SPG7: variants seen among roughly 807,000 people sequenced by gnomAD.
The protein encoded by SPG7 is SPG7 matrix AAA peptidase subunit, paraplegin.
SPG7 carries 103 observed loss-of-function variants against 81.9 expected under a neutral mutation model. The observed-to-expected ratio is 1.26, with a 90% CI of 1.07 to 1.48. SPG7 has a LOEUF of 1.48. Among genes scored for constraint, SPG7 ranks in the 40% most tolerant of loss-of-function variants. The pLI is 0.00. For missense variants in SPG7, 1,241 were observed against 1,087.3 expected (o/e 1.14, Z -1.99); for synonymous variants, 534 against 444.2 (o/e 1.20, Z -2.54).
chr16:89,544,035 A>G (rs933463121), intron 9 of SPG7: 5 of 168,568 alleles, frequency 3.0e-5, no homozygotes, highest in Non-Finnish European at 6.5e-5. Flanking sequence ...CCACAGCATC[A>G]TAACACCTGA....
rs200499298 is a variant in SPG7 at position 89,544,788 on chromosome 16, C to T, written c.1449+16C>T. 111 of 1,613,700 alleles carry T rather than the reference C, an allele frequency of 6.9e-5. No homozygotes were observed. The highest frequency in any genetic ancestry group is 5.9e-6 in the Non-Finnish European group (7 of 1,179,858). ...CACGCTGCAGGTCAGAGCCAGGATC[C>T]CAGCCTCTCCCACTCCACCTGGGCC... On this transcript the variant is annotated intron_variant, in intron 10 of 16. Transcript: ENST00000645818.
At chr16:89,546,588 A>C in intron 10 of SPG7, 70 bp from the exon 11 acceptor site, 16 of 915,016 alleles carry the variant, frequency 1.7e-5, no homozygotes, top group Non-Finnish European at 2.3e-5. Flanking sequence ...CCCCCCACAG[A>C]CAAACATGCC....
At chr16:89,510,953 C>T (rs752756740) in intron 2 of SPG7, among the ~76,000 whole-genome samples, 40 of 152,182 alleles carry the variant, frequency 2.6e-4, no homozygotes, top group Non-Finnish European at 4.9e-4. Context: ...CCACCTCAGC[C>T]TTCCATAGAG....
chr16:89,526,564 C>A, intron 5 of SPG7, 96 bp downstream of exon 5: 1 of 1,416,978 alleles, frequency 7.1e-7, no homozygotes, highest in Non-Finnish European at 1.0e-6. Context: ...ACTGTCTTTG[C>A]CTATAGTTAA....
chr16:89,528,541 G>C (rs2152401508), intron 5 of SPG7: 1 of 152,274 alleles, frequency 6.6e-6, no homozygotes, highest in South Asian at 2.1e-4. Context: ...ACAGAAGATG[G>C]AGGGTTGGGG....
At chr16:89,510,469 T>G (rs756320110) in intron 1 of SPG7, 21 bp from the exon 2 acceptor site, 10 of 1,420,278 alleles carry the variant, frequency 7.0e-6, no homozygotes, top group Non-Finnish European at 5.9e-6. Context: ...ACCTCCAGTA[T>G]TGTTTTTTTT....
intron 9 of SPG7, among the ~76,000 whole-genome samples, chr16:89,534,711 G>T (rs1179039614): frequency 1.3e-5 from 2 of 152,218 alleles, no homozygotes; most frequent in African/African-American, 4.8e-5. Flanking sequence ...TTACAGAAGC[G>T]TTGCCACGGT....
chr16:89,535,059 C>T (rs1307896615), intron 9 of SPG7, among the ~76,000 whole-genome samples: 7 of 152,214 alleles, frequency 4.6e-5, no homozygotes, highest in African/African-American at 1.7e-4. Flanking sequence ...GACTGTGACA[C>T]TGTACAGGCC....
At chr16:89,537,363 G>C in intron 9 of SPG7, 6 of 1,147,178 alleles carry the variant, frequency 5.2e-6, no homozygotes, top group Non-Finnish European at 6.5e-6. Flanking sequence ...TCCTGTGCTG[G>C]AAAGCGTTGA....
chr16:89,536,155 AGTGTGG>A, intron 9 of SPG7, among the ~76,000 whole-genome samples: 5 of 96,412 alleles, frequency 5.2e-5, no homozygotes, highest in Non-Finnish European at 8.6e-5. Context: ...TGTGGCCTTC[AGTGTGG>A]CCGCTCTGGT....
chr16:89,508,924 G>A (rs1273732216), intron 1 of SPG7: 2 of 549,406 alleles, frequency 3.6e-6, no homozygotes, highest in East Asian at 4.3e-5. Context: ...TTCCGGCGTA[G>A]CACTAATTTA....
chr16:89,536,867 C>T (rs1369952867), intron 9 of SPG7: 1 of 1,614,034 alleles, frequency 6.2e-7, no homozygotes, highest in African/African-American at 1.3e-5. Flanking sequence ...TCACGGAGGG[C>T]AATGGAGGGT....
chr16:89,523,952 C>T, intron 3 of SPG7, 54 bp from the exon 4 acceptor site: 2 of 1,603,384 alleles, frequency 1.2e-6, no homozygotes, highest in Non-Finnish European at 1.7e-6. Flanking sequence ...TGGATGTCGC[C>T]CGTGTCTGTT....
At chr16:89,553,522 G>A in intron 14 of SPG7, 2 of 549,888 alleles carry the variant, frequency 3.6e-6, no homozygotes, top group South Asian at 4.1e-5. Flanking sequence ...GCATAGGCCT[G>A]GGCTTGTGCT....
At chr16:89,525,465 C>T (rs2058247916) in intron 4 of SPG7, among the ~76,000 whole-genome samples, 1 of 152,174 alleles carries the variant, frequency 6.6e-6, no homozygotes, top group Non-Finnish European at 1.5e-5. Context: ...AGAAAATGCT[C>T]AGAATTCTGT....
At chr16:89,509,727 C>T (rs1307721463) in intron 1 of SPG7, among the ~76,000 whole-genome samples, 3 of 151,858 alleles carry the variant, frequency 2.0e-5, no homozygotes, top group Non-Finnish European at 4.4e-5. Context: ...CTCCCTTTCT[C>T]CTGCAGAAGC....
chr16:89,554,570 C>T lies in SPG7; in HGVS notation c.2181+7C>T. On this transcript the variant is annotated splice_region_variant and intron_variant, in intron 16 of 16. Coordinates refer to ENST00000645818, the MANE Select transcript of SPG7 (RefSeq NM_003119.4). ...CCTGGACAAGTTGCAGGCGGTGAGG[C>T]CCTGGCCAGGCGTGGGGGCTACGGC... 6.2e-7 allele frequency: 1 copy of T among 1,603,936 alleles called. No individual in the cohort carries two copies.
intron 5 of SPG7, chr16:89,526,768 C>G (rs1327175230): frequency 2.6e-6 from 1 of 381,132 alleles, no homozygotes; most frequent in Non-Finnish European, 5.0e-6. Flanking sequence ...ATGCCGAAGT[C>G]TCAGCCCCCG....
intron 11 of SPG7, 34 bp from the exon 12 acceptor site, chr16:89,547,965 AACCC>A (rs2058585189): frequency 3.9e-6 from 6 of 1,525,724 alleles, no homozygotes; most frequent in South Asian, 1.1e-5. Context: ...TGATAGCAGA[AACCC>A]ACCCACCCAC....
Sources: allele counts gnomAD v4.1 joint callset (sites outside exome capture counted in the v4.1 genomes callset), GRCh38; gene constraint gnomAD v4.1.1; transcripts MANE v1.5; gene names NCBI Gene and HGNC (gene_info 2026-07-23, HGNC 2026-07-21).